Variants in ZNF469 observed in about 807,000 individuals in gnomAD.
The protein encoded by ZNF469 is zinc finger protein 469.
ZNF469 carries 1 observed loss-of-function variant against 1.0 expected under a neutral mutation model. That is an observed-to-expected ratio of 1.00 (90% CI 0.35 to 4.73). ZNF469 has a LOEUF of 4.73. ZNF469 is among the 30% of genes most tolerant of loss of function. ZNF469 has a pLI of 0.16. For synonymous variants in ZNF469, 2,703 were observed against 2,363.4 expected (o/e 1.14, Z -4.17); for missense variants, 6,100 against 5,356.3 (o/e 1.14, Z -4.33).
the ZNF469 span, among the ~76,000 whole-genome samples, chr16:88,215,178 G>C: frequency 6.6e-6 from 1 of 152,010 alleles, no homozygotes; most frequent in Non-Finnish European, 1.5e-5. Context: ...CATTAAATTG[G>C]AGTAGTCTAT....
chr16:88,380,537 GCACT>G (rs2092519360), upstream of ZNF469, among the ~76,000 whole-genome samples: 4 of 70,766 alleles, frequency 5.7e-5, no homozygotes, highest in Admixed American at 5.7e-4. Flanking sequence ...TAACACACAC[GCACT>G]AACACAGACA....
At chr16:88,282,120 T>C in the ZNF469 span, among the ~76,000 whole-genome samples, 3 of 152,166 alleles carry the variant, frequency 2.0e-5, no homozygotes, top group South Asian at 6.2e-4. Flanking sequence ...GATAAGGAAA[T>C]GTAATCTCGA....
At chr16:88,394,122 C>CA (rs1904582330) in intron 1 of ZNF469, among the ~76,000 whole-genome samples, 1 of 117,924 alleles carries the variant, frequency 8.5e-6, no homozygotes. Context: ...CTGAGAGGAG[C>CA]GGGGTTTGAC....
the ZNF469 span, among the ~76,000 whole-genome samples, chr16:88,209,297 T>C: frequency 6.6e-6 from 1 of 151,954 alleles, no homozygotes; most frequent in Non-Finnish European, 1.5e-5. Flanking sequence ...TTTTTCTTTT[T>C]TTTTTTCTTT....
chr16:88,205,308 T>C, the ZNF469 span, among the ~76,000 whole-genome samples: 1 of 152,190 alleles, frequency 6.6e-6, no homozygotes, highest in African/African-American at 2.4e-5. This position sits in a 1 kb window ranked among gnomAD's most constrained non-coding sequence, Gnocchi z 4.2. Flanking sequence ...CGAAGGGTTT[T>C]TTAGGAGCCT....
the ZNF469 span, among the ~76,000 whole-genome samples, chr16:88,339,009 G>A: frequency 6.6e-6 from 1 of 151,642 alleles, no homozygotes; most frequent in African/African-American, 2.4e-5. Context: ...GATAGTGTGC[G>A]TTCACTGCAC....
the ZNF469 span, among the ~76,000 whole-genome samples, chr16:88,134,640 C>T: frequency 6.6e-6 from 1 of 152,216 alleles, no homozygotes; most frequent in South Asian, 2.1e-4. Flanking sequence ...AAAGCGGCAT[C>T]CATTTCCATC....
the ZNF469 span, among the ~76,000 whole-genome samples, chr16:88,144,769 G>C: frequency 6.6e-6 from 1 of 152,098 alleles, no homozygotes; most frequent in Non-Finnish European, 1.5e-5. Context: ...TTTTGTAGCT[G>C]TTTTCTCCTT....
chr16:88,410,360 G>A (rs1301503678), intron 1 of ZNF469, among the ~76,000 whole-genome samples: 3 of 152,000 alleles, frequency 2.0e-5, no homozygotes, highest in Non-Finnish European at 4.4e-5. Flanking sequence ...GCTGTTGATG[G>A]TGCAGGTCAC....
the ZNF469 span, among the ~76,000 whole-genome samples, chr16:88,305,485 T>C: frequency 2.4e-4 from 14 of 58,854 alleles, no homozygotes; most frequent in Non-Finnish European, 3.9e-4. Context: ...CGTGCACACA[T>C]GGTCACAGGC....
At position 88,434,021 on chromosome 16, in the gene ZNF469, C is replaced by T. The variant is rs1054308176; in HGVS notation, c.6551C>T (p.Thr2184Met). 1.3e-5 allele frequency: 20 copies of T among 1,550,154 alleles called. No homozygotes were observed. The highest frequency in any genetic ancestry group is 6.8e-5 in the African/African-American group (5 of 73,044). ...GAAGAGGCAGATGGCGTCCAAGCCA[C>T]GACAGATACTGGGGCTGAGGATTCC... ...PLEEADGVQATTDTGAEDSPV... is the reference protein window; with the variant it reads ...PLEEADGVQAMTDTGAEDSPV... Residue 2184 changes from threonine to methionine, a missense_variant, in exon 3 of 3, where the codon ACG becomes ATG. Thr to Met is a moderately conservative substitution (Grantham distance 81, BLOSUM62 -1). Transcript: ENST00000565624.
At chr16:88,306,445 G>A in the ZNF469 span, among the ~76,000 whole-genome samples, 2 of 152,248 alleles carry the variant, frequency 1.3e-5, no homozygotes, top group Admixed American at 6.5e-5. Flanking sequence ...AGCCTGCTTA[G>A]CCTGTGTGAC....
the ZNF469 span, among the ~76,000 whole-genome samples, chr16:88,145,543 C>T: frequency 1.3e-5 from 2 of 152,376 alleles, no homozygotes; most frequent in South Asian, 2.1e-4. Context: ...GAGGTGCCTG[C>T]GATGGGCCCA....
At chr16:88,225,436 G>A in the ZNF469 span, among the ~76,000 whole-genome samples, 5 of 152,302 alleles carry the variant, frequency 3.3e-5, no homozygotes, top group Admixed American at 3.3e-4. Flanking sequence ...CTTTCTAATC[G>A]CCAGAAGGGA....
At position 88,430,660 on chromosome 16, in the gene ZNF469, C is replaced by A; in HGVS notation, c.3190C>A (p.Arg1064=). ...IVQQKNRRHR[R]LGRRAGRCGS... The stretch of plus-strand genomic sequence containing the variant: ...GCAGCAGAAGAACAGGCGCCACCGG[C>A]GGCTGGGGCGGCGGGCGGGCAGGTG... Residue 1064 remains arginine, a synonymous_variant, in exon 3 of 3, where the codon CGG becomes AGG. Transcript: ENST00000565624. 6.7e-7 allele frequency: 1 copy of A among 1,492,158 alleles called. No individual in the cohort carries two copies. 92.4% of individuals were successfully genotyped at this position (1,492,158 alleles called of 1,614,324 possible). A position where few individuals can be genotyped will look rare whatever the true frequency, so the allele number is the denominator to read the frequency against.
chr16:88,194,323 G>A, the ZNF469 span: 1 of 152,238 alleles, frequency 6.6e-6, no homozygotes, highest in African/African-American at 2.4e-5. Flanking sequence ...GCTTGTTTTA[G>A]AGAAGGGGGT....
chr16:88,111,609 C>G, the ZNF469 span, among the ~76,000 whole-genome samples: 1 of 152,102 alleles, frequency 6.6e-6, no homozygotes, highest in Non-Finnish European at 1.5e-5. Flanking sequence ...TTAGCTCCCA[C>G]GAATAAGTGA....
chr16:88,390,880 T>C (rs113216716), intron 1 of ZNF469, among the ~76,000 whole-genome samples: 2,782 of 152,272 alleles, frequency 0.018, 46 homozygotes, highest in Middle Eastern at 0.068. Flanking sequence ...GGAAGCAGCA[T>C]AGGCAAAGGC....
the ZNF469 span, among the ~76,000 whole-genome samples, chr16:88,300,360 C>T: frequency 4.6e-5 from 7 of 152,062 alleles, no homozygotes; most frequent in African/African-American, 9.7e-5. Flanking sequence ...GAGCCTGTCA[C>T]CCTGCATCAT....
Sources: allele counts gnomAD v4.1 joint callset (sites outside exome capture counted in the v4.1 genomes callset), GRCh38; gene constraint gnomAD v4.1.1; non-coding constraint Gnocchi (gnomAD v3.1); transcripts MANE v1.5; gene names NCBI Gene and HGNC (gene_info 2026-07-23, HGNC 2026-07-21).